NIPSNAP3A: variants seen among roughly 807,000 people sequenced by gnomAD.
The protein encoded by NIPSNAP3A is protein NipSnap homolog 3A.
Under a neutral mutation model 32.3 loss-of-function variants are expected in NIPSNAP3A, and 27 were observed. The ratio of observed to expected loss-of-function variants is 0.84; its 90% CI spans 0.62 to 1.15. The LOEUF (loss-of-function observed/expected upper bound fraction) is 1.15. Among genes scored for constraint, NIPSNAP3A ranks in the 50% most tolerant of loss-of-function variants. NIPSNAP3A has a pLI of 0.00. For missense variants in NIPSNAP3A, 278 were observed against 297.2 expected, an observed-to-expected ratio of 0.94 and a Z score of 0.48; for synonymous variants, 108 against 107.3, an observed-to-expected ratio of 1.01 and a Z score of -0.04.
intron 4 of NIPSNAP3A, among the ~76,000 whole-genome samples, chr9:104,756,913 C>T (rs1490685589): frequency 1.3e-5 from 2 of 150,588 alleles, no homozygotes; most frequent in African/African-American, 2.4e-5. Context: ...AGGCGGTTCT[C>T]CTGCCTCAGC....
chr9:104,757,672 G>A (rs527780267), intron 4 of NIPSNAP3A, among the ~76,000 whole-genome samples: 51 of 152,158 alleles, frequency 3.4e-4, no homozygotes, highest in African/African-American at 1.1e-3. Context: ...TACAGAAATC[G>A]ATATACATGT....
At chr9:104,756,158 T>C (rs554218591) in intron 4 of NIPSNAP3A, among the ~76,000 whole-genome samples, 2 of 152,268 alleles carry the variant, frequency 1.3e-5, no homozygotes, top group East Asian at 3.9e-4. Context: ...GAGGAGAAAC[T>C]GTTATGAAAA....
Position 104,759,583 on chromosome 9 carries a change from G to C in NIPSNAP3A, c.*245G>C. On this transcript the variant is annotated 3_prime_UTR_variant, in exon 6 of 6. Transcript: ENST00000374767. ...TTAAAAATACTTGTCACTGTTTTAA[G>C]ATCTTGACTCTTCATTTGTTTCAGA... The C allele has an allele frequency of 2.1e-6, 1 of 483,514 alleles. No individual in the cohort carries two copies. Among genetic ancestry groups the C allele is most frequent in the South Asian group, 2.2e-5 (1 of 45,370 alleles). 30.0% of individuals were successfully genotyped at this position (483,514 alleles called of 1,614,324 possible). A position where few individuals can be genotyped will look rare whatever the true frequency, so the allele number is the denominator to read the frequency against.
chr9:104,754,351 C>T, intron 3 of NIPSNAP3A, 200 bp from the exon 4 acceptor site: 2 of 523,224 alleles, frequency 3.8e-6, no homozygotes, highest in Non-Finnish European at 3.4e-6. Flanking sequence ...TTAAGCATAA[C>T]AACTCACTCT....
Position 104,758,826 on chromosome 9 carries a change from C to T in NIPSNAP3A, c.581-259C>T, listed in dbSNP as rs572387565. Reference sequence around the variant, plus strand: ...AATACAAAAAAAAAAAAAAATTAGCCGGACGTGGTGGTGGGCGCCTGTAAT... The same window carrying T: ...AATACAAAAAAAAAAAAAAATTAGCTGGACGTGGTGGTGGGCGCCTGTAAT... On this transcript the variant is annotated intron_variant, in intron 4 of 5. Coordinates refer to ENST00000374767, the MANE Select transcript of NIPSNAP3A (RefSeq NM_015469.3). 2.0e-5 allele frequency among the ~76,000 whole-genome samples: 3 copies of T among 151,056 alleles called. No homozygotes were observed. The East Asian group carries it at 5.8e-4, about 29-fold the overall frequency.
chr9:104,756,426 C>A (rs1230172808), intron 4 of NIPSNAP3A, among the ~76,000 whole-genome samples: 2 of 151,522 alleles, frequency 1.3e-5, no homozygotes, highest in Admixed American at 1.3e-4. Context: ...AATTCAAAAG[C>A]AAAAATAAAA....
Position 104,747,725 on chromosome 9 carries a change from C to A in NIPSNAP3A, c.-68C>A. ...GATCCAGGAGCCGCTCCTTTCCACT[C>A]GGGAAACCTTCAGAGGAGTCTCAGA... On this transcript the variant is annotated 5_prime_UTR_variant, in exon 1 of 6. Coordinates refer to ENST00000374767, the MANE Select transcript of NIPSNAP3A (RefSeq NM_015469.3). The A allele has an allele frequency of 1.3e-6, 2 of 1,492,732 alleles. No individual in the cohort carries two copies. Among genetic ancestry groups the A allele is most frequent in the Admixed American group, 1.9e-5 (1 of 52,254 alleles). 92.5% of individuals were successfully genotyped at this position (1,492,732 alleles called of 1,614,324 possible).
At chr9:104,749,152 A>G (rs1226590578) in intron 1 of NIPSNAP3A, among the ~76,000 whole-genome samples, 2 of 152,150 alleles carry the variant, frequency 1.3e-5, no homozygotes, top group Non-Finnish European at 2.9e-5. Context: ...CCTGAAATCC[A>G]TTTGTCACAA....
rs1286085573 is a variant in NIPSNAP3A, at chr9:104,747,825, G to T, written c.33G>T (p.Ala11=). The change falls in exon 1 of 6, where the codon GCG becomes GCT. Residue 11 remains alanine (A), a synonymous_variant. Transcript: ENST00000374767. Reference sequence around the variant, plus strand: ...TCCTCAGAAGCGCCCTGACTCGGGCGCTGGCCTCACGGACGCTGGCGCCTC... The same window carrying T: ...TCCTCAGAAGCGCCCTGACTCGGGCTCTGGCCTCACGGACGCTGGCGCCTC... The part of the protein sequence containing the change: MLVLRSALTR[A]LASRTLAPQM... The T allele has an allele frequency of 1.9e-6, 3 of 1,608,670 alleles. No individual in the cohort carries two copies. Among genetic ancestry groups the T allele is most frequent in the Non-Finnish European group, 2.5e-6 (3 of 1,178,964 alleles).
At chr9:104,751,294 T>A in intron 2 of NIPSNAP3A, 128 bp downstream of exon 2, 1 of 867,952 alleles carries the variant, frequency 1.2e-6, no homozygotes, top group Non-Finnish European at 1.9e-6. Flanking sequence ...ACAGGTTAAC[T>A]AAGACTTTTG....
At chr9:104,749,066 A>G (rs1433119657) in intron 1 of NIPSNAP3A, among the ~76,000 whole-genome samples, 2 of 152,130 alleles carry the variant, frequency 1.3e-5, no homozygotes, top group Non-Finnish European at 2.9e-5. Context: ...ACTGTATATT[A>G]ATACTGCCCA....
rs1434324144 is a variant in NIPSNAP3A at position 104,747,698 on chromosome 9, A to G, written c.-95A>G. 25 of 1,320,794 alleles carry G rather than the reference A, an allele frequency of 1.9e-5. No individual in the cohort carries two copies. Among genetic ancestry groups the G allele is most frequent in the South Asian group, 1.8e-4 (14 of 79,536 alleles). The allele number at this position is 1,320,794 out of a possible 1,614,324, so 81.8% of individuals were successfully genotyped here. On this transcript the variant is annotated 5_prime_UTR_variant, in exon 1 of 6. The change abolishes an upstream ATG in the 5' untranslated region. Coordinates refer to ENST00000374767, the MANE Select transcript of NIPSNAP3A (RefSeq NM_015469.3). ...GCCCCGCCCCAGCCTGCGTCTGCCAATGATCCAGGAGCCGCTCCTTTCCAC... is the reference window on the plus strand; with the variant it reads ...GCCCCGCCCCAGCCTGCGTCTGCCAGTGATCCAGGAGCCGCTCCTTTCCAC...
chr9:104,753,744 T>C (rs1383499993), intron 3 of NIPSNAP3A: 1 of 152,542 alleles, frequency 6.6e-6, no homozygotes, highest in South Asian at 2.1e-4. Flanking sequence ...AACTTTGTAG[T>C]GTATTTAGGT....
chr9:104,747,998 C>CCCCGGTACCCCAAGACAGGGGTA, intron 1 of NIPSNAP3A, 146 bp downstream of exon 1: 2 of 684,356 alleles, frequency 2.9e-6, no homozygotes, highest in Non-Finnish European at 4.7e-6. Context: ...CTAGCGTGAG[C>CCCCGGTACCCCAAGACAGGGGTA]CCCGGAACCC....
At position 104,759,457 on chromosome 9, in the gene NIPSNAP3A, A is replaced by G. The variant is rs1449166162; in HGVS notation, c.*119A>G. ...GAAGGAGGTGTTAAGTTAATTTGCT[A>G]TGTTTCTTGCATTATGAAGGCTACA... On this transcript the variant is annotated 3_prime_UTR_variant, in exon 6 of 6. Transcript: ENST00000374767. The G allele has an allele frequency of 8.2e-6, 8 of 973,112 alleles. No individual in the cohort carries two copies. The highest frequency in any genetic ancestry group is 1.3e-5 in the Non-Finnish European group (8 of 634,736). 60.3% of individuals were successfully genotyped at this position (973,112 alleles called of 1,614,324 possible).
In NIPSNAP3A at chr9:104,751,418, CAT is replaced by C. The variant is rs1302102608; in HGVS notation, c.271+257_271+258del. Among the ~76,000 whole-genome samples the C allele has an allele frequency of 5.9e-5, 9 of 152,260 alleles. 1 individual carries two copies. The South Asian group carries it at 1.7e-3, about 28-fold the overall frequency. On this transcript the variant is annotated intron_variant, in intron 2 of 5. Coordinates refer to ENST00000374767, the MANE Select transcript of NIPSNAP3A (RefSeq NM_015469.3). Reference sequence around the variant, plus strand: ...TTATAAATTGGAAGACATGGCATCTCATATATCAAGCGATAAAATTGTGAACT... The same window carrying C: ...TTATAAATTGGAAGACATGGCATCTCATATCAAGCGATAAAATTGTGAACT...
Position 104,759,838 on chromosome 9 carries a change from A to G in NIPSNAP3A, c.*500A>G, listed in dbSNP as rs754190423. ...AAGAAAATTAACGTATTTCTTTACT[A>G]TGGAAAACCACATTGTCATTTGTGA... On this transcript the variant is annotated 3_prime_UTR_variant, in exon 6 of 6. Transcript: ENST00000374767. 37 of 155,440 alleles carry G rather than the reference A, an allele frequency of 2.4e-4. No homozygotes were observed. The highest frequency in any genetic ancestry group is 4.0e-4 in the Non-Finnish European group (28 of 70,130). The allele number at this position is 155,440 out of a possible 1,614,324, so 9.6% of individuals were successfully genotyped here.
chr9:104,747,950 C>A (rs983295506), intron 1 of NIPSNAP3A, 98 bp downstream of exon 1: 1 of 1,212,874 alleles, frequency 8.2e-7, no homozygotes, highest in South Asian at 1.4e-5. Context: ...CATGCGCTCT[C>A]CGCCACGCGC....
rs185739932 is a variant in NIPSNAP3A, at chr9:104,749,236, C to A, written c.60+1384C>A. On this transcript the variant is annotated intron_variant, in intron 1 of 5. Transcript: ENST00000374767. ...AATTATGGATACTAGGCACTTGCTTCTTGACCAACATTGTTACTAGAGTTT... is the reference window on the plus strand; with the variant it reads ...AATTATGGATACTAGGCACTTGCTTATTGACCAACATTGTTACTAGAGTTT... 1.4e-4 allele frequency among the ~76,000 whole-genome samples: 21 copies of A among 152,280 alleles called. No homozygotes were observed. In the East Asian group the frequency reaches 3.5e-3, roughly 25 times the overall value.
Sources: allele counts gnomAD v4.1 joint callset (sites outside exome capture counted in the v4.1 genomes callset), GRCh38; gene constraint gnomAD v4.1.1; transcripts MANE v1.5; gene names NCBI Gene and HGNC (gene_info 2026-07-23, HGNC 2026-07-21).